The following ERC2 variants were observed in gnomAD, a reference collection of about 807,000 sequenced individuals.
The protein encoded by ERC2 is ELKS/RAB6-interacting/CAST family member 2, also known as ERC protein 2.
In ERC2, 42 loss-of-function variants were observed where a neutral mutation model predicts 114.8. That is an observed-to-expected ratio of 0.37 (90% CI 0.29 to 0.47). The LOEUF (loss-of-function observed/expected upper bound fraction) is 0.47. ERC2 is among the 20% of genes least tolerant of loss of function. ERC2 has a pLI of 0.99. For missense variants in ERC2, 939 were observed against 1,150.7 expected, an observed-to-expected ratio of 0.82 and a Z score of 2.66; for synonymous variants, 454 against 425.5, an observed-to-expected ratio of 1.07 and a Z score of -0.82.
chr3:56,434,468 G>A lies in ERC2; in HGVS notation c.540C>T (p.Asn180=), dbSNP rs766672557. 1.2e-6 allele frequency: 2 copies of A among 1,613,958 alleles called. No individual in the cohort carries two copies. Among genetic ancestry groups the A allele is most frequent in the Admixed American group, 3.3e-5 (2 of 60,024 alleles). Residue 180 remains asparagine (N), a synonymous_variant, in exon 2 of 18, where the codon AAC becomes AAT. Transcript: ENST00000288221. ...IKDSKLGSSM[N]SIKTFWSPEL... ...CAGGACTCCAGAAAGTCTTAATACT[G>A]TTCATGGAAGATCCCAATTTGCTGT...
At chr3:55,950,643 T>A in intron 12 of ERC2, 83 bp from the exon 13 acceptor site, 1 of 1,465,692 alleles carries the variant, frequency 6.8e-7, no homozygotes, top group Non-Finnish European at 9.5e-7. Flanking sequence ...AAGTACTAAG[T>A]ATAGGCTATC....
At chr3:56,214,255 G>C (rs554064380) in intron 3 of ERC2, among the ~76,000 whole-genome samples, 1 of 152,116 alleles carries the variant, frequency 6.6e-6, no homozygotes, top group Admixed American at 6.6e-5. Flanking sequence ...AAAAAGATTA[G>C]ACGAATGGAT....
At chr3:56,289,924 T>C (rs2054973511) in intron 3 of ERC2, among the ~76,000 whole-genome samples, 1 of 152,212 alleles carries the variant, frequency 6.6e-6, no homozygotes, top group Admixed American at 6.5e-5. Context: ...TACCTCACTC[T>C]GCCTCTGTTT....
chr3:56,371,330 G>T (rs1007631734), intron 2 of ERC2, among the ~76,000 whole-genome samples: 3 of 152,118 alleles, frequency 2.0e-5, no homozygotes. Context: ...GCCAAATACT[G>T]CACTTTTAAT....
chr3:56,010,732 G>C, intron 8 of ERC2, 143 bp from the exon 9 acceptor site: 2 of 940,380 alleles, frequency 2.1e-6, no homozygotes, highest in Non-Finnish European at 3.1e-6. Flanking sequence ...AATTGGATTC[G>C]TGGGGAGGCT....
At chr3:56,429,683 G>A (rs555077809) in intron 2 of ERC2, among the ~76,000 whole-genome samples, 38 of 152,314 alleles carry the variant, frequency 2.5e-4, no homozygotes, top group African/African-American at 6.7e-4. Flanking sequence ...ATGTAGAGCC[G>A]CGTGGCTGAG....
chr3:56,271,729 A>G (rs2053663907), intron 3 of ERC2, among the ~76,000 whole-genome samples: 2 of 152,130 alleles, frequency 1.3e-5, no homozygotes, highest in Non-Finnish European at 2.9e-5. Context: ...TTAGTACCCA[A>G]TAGGTAGTTT....
At chr3:56,279,507 T>G (rs1353488126) in intron 3 of ERC2, among the ~76,000 whole-genome samples, 1 of 151,322 alleles carries the variant, frequency 6.6e-6, no homozygotes, top group Non-Finnish European at 1.5e-5. Flanking sequence ...AGTGGGGGAG[T>G]CACACAAACA....
chr3:56,191,431 T>C (rs2047773115), intron 3 of ERC2, among the ~76,000 whole-genome samples: 1 of 152,122 alleles, frequency 6.6e-6, no homozygotes, highest in Non-Finnish European at 1.5e-5. Context: ...CCAAGTGTCC[T>C]CTCTATGCCT....
intron 17 of ERC2, among the ~76,000 whole-genome samples, chr3:55,589,330 G>A (rs539786714): frequency 1.8e-4 from 28 of 152,234 alleles, no homozygotes; most frequent in African/African-American, 6.7e-4. Context: ...AGTGGTTGGT[G>A]CGCAAACGAG....
intron 7 of ERC2, among the ~76,000 whole-genome samples, chr3:56,076,234 T>G (rs1404404403): frequency 6.6e-6 from 1 of 152,142 alleles, no homozygotes; most frequent in Admixed American, 6.6e-5. Flanking sequence ...TTTATGGGAC[T>G]AAGGCCTAGA....
At chr3:55,752,538 G>C (rs2148970940) in intron 14 of ERC2, among the ~76,000 whole-genome samples, 1 of 152,316 alleles carries the variant, frequency 6.6e-6, no homozygotes, top group East Asian at 1.9e-4. Context: ...AGGCCATAGA[G>C]CCTACAATAG....
At chr3:56,105,506 G>C (rs971111830) in intron 6 of ERC2, among the ~76,000 whole-genome samples, 2 of 151,880 alleles carry the variant, frequency 1.3e-5, no homozygotes, top group African/African-American at 4.8e-5. Flanking sequence ...TTAAGAGATG[G>C]GGTCTTGCTA....
intron 14 of ERC2, among the ~76,000 whole-genome samples, chr3:55,787,994 T>C (rs1308844176): frequency 1.3e-5 from 2 of 152,246 alleles, no homozygotes; most frequent in Non-Finnish European, 2.9e-5. Flanking sequence ...AGCAAATTTA[T>C]CCTCACAATC....
At chr3:56,146,188 T>C (rs2081123024) in intron 5 of ERC2, among the ~76,000 whole-genome samples, 1 of 151,974 alleles carries the variant, frequency 6.6e-6, no homozygotes, top group South Asian at 2.1e-4. Context: ...CTCAGGAGGC[T>C]GGGTGGGAGA....
At chr3:56,066,574 C>T (rs1027299345) in intron 7 of ERC2, among the ~76,000 whole-genome samples, 10 of 152,190 alleles carry the variant, frequency 6.6e-5, no homozygotes, top group Middle Eastern at 3.4e-3. Flanking sequence ...TCCCATTTGT[C>T]AATTTTTGCT....
intron 7 of ERC2, among the ~76,000 whole-genome samples, chr3:56,065,809 T>C (rs2076449563): frequency 1.3e-5 from 2 of 152,184 alleles, no homozygotes; most frequent in Admixed American, 1.3e-4. Context: ...TTTGGTTTTC[T>C]GTTCCTGTGT....
intron 14 of ERC2, among the ~76,000 whole-genome samples, chr3:55,742,642 A>G (rs963692533): frequency 1.3e-5 from 2 of 152,184 alleles, no homozygotes; most frequent in East Asian, 1.9e-4. Context: ...AACTTTTCTC[A>G]GCTAATTACT....
At chr3:56,356,019 A>G (rs1262556590) in intron 2 of ERC2, among the ~76,000 whole-genome samples, 1 of 152,194 alleles carries the variant, frequency 6.6e-6, no homozygotes, top group Non-Finnish European at 1.5e-5. Flanking sequence ...CTCACAACCC[A>G]GCAGGTCAGC....
Sources: allele counts gnomAD v4.1 joint callset (sites outside exome capture counted in the v4.1 genomes callset), GRCh38; gene constraint gnomAD v4.1.1; transcripts MANE v1.5; gene names NCBI Gene and HGNC (gene_info 2026-07-23, HGNC 2026-07-21).